RCAN1: variants seen among roughly 807,000 people sequenced by gnomAD.
The protein encoded by RCAN1 is calcipressin-1.
A neutral mutation model predicts 22.9 loss-of-function variants in RCAN1; 11 were observed. The observed-to-expected ratio is 0.48, with a 90% CI of 0.30 to 0.79. The LOEUF (loss-of-function observed/expected upper bound fraction) is 0.79. Ranked by LOEUF, RCAN1 falls within the 30% of genes least tolerant of loss-of-function variation. The probability of loss-of-function intolerance (pLI) is 0.06; values close to 1 mark genes in which losing one functional copy is unlikely to be tolerated. For synonymous variants in RCAN1, 136 were observed against 142.3 expected, an observed-to-expected ratio of 0.96 and a Z score of 0.32; for missense variants, 291 against 337.8, an observed-to-expected ratio of 0.86 and a Z score of 1.09.
chr21:34,532,436 C>T (rs549355861), intron 1 of RCAN1, among the ~76,000 whole-genome samples: 65 of 152,198 alleles, frequency 4.3e-4, no homozygotes, highest in Non-Finnish European at 8.2e-4. Context: ...TCTCCAGCAC[C>T]GTGCTCACTT....
intron 1 of RCAN1, among the ~76,000 whole-genome samples, chr21:34,592,158 C>G (rs542885000): frequency 6.6e-6 from 1 of 152,222 alleles, no homozygotes; most frequent in Non-Finnish European, 1.5e-5. Context: ...GAGAAAACTA[C>G]GCAAGTGCAC....
chr21:34,558,828 G>A (rs573881940), intron 1 of RCAN1, among the ~76,000 whole-genome samples: 2 of 152,104 alleles, frequency 1.3e-5, no homozygotes, highest in Admixed American at 1.3e-4. Context: ...CAAAATCAAC[G>A]GTAAAGGCTC....
At chr21:34,568,124 C>T (rs1254722122) in intron 1 of RCAN1, among the ~76,000 whole-genome samples, 2 of 152,164 alleles carry the variant, frequency 1.3e-5, no homozygotes, top group Non-Finnish European at 2.9e-5. Flanking sequence ...GCCATGGTCC[C>T]TTTAGAAGGA....
chr21:34,544,200 CTG>C (rs1306375272), intron 1 of RCAN1, among the ~76,000 whole-genome samples: 3 of 152,224 alleles, frequency 2.0e-5, no homozygotes, highest in South Asian at 2.1e-4. Context: ...TCCCGGGACT[CTG>C]TGATGGATTC....
intron 3 of RCAN1, chr21:34,521,144 A>C: frequency 7.9e-7 from 1 of 1,261,082 alleles, no homozygotes; most frequent in Non-Finnish European, 9.9e-7. Context: ...CCCTTTCCAA[A>C]GTCCAATCAC....
chr21:34,550,659 C>T (rs1418603293), intron 1 of RCAN1, among the ~76,000 whole-genome samples: 1 of 152,180 alleles, frequency 6.6e-6, no homozygotes, highest in African/African-American at 2.4e-5. Flanking sequence ...TTAAGCCACC[C>T]AGTCTGTAGT....
At chr21:34,561,509 CT>C (rs1986789569) in intron 1 of RCAN1, among the ~76,000 whole-genome samples, 1 of 152,188 alleles carries the variant, frequency 6.6e-6, no homozygotes, top group Non-Finnish European at 1.5e-5. Context: ...TTCTAATGCT[CT>C]CTACCTAAAC....
At chr21:34,566,811 C>A (rs1178216422) in intron 1 of RCAN1, among the ~76,000 whole-genome samples, 6 of 152,148 alleles carry the variant, frequency 3.9e-5, no homozygotes, top group Non-Finnish European at 5.9e-5. Flanking sequence ...GGGGAGCAGG[C>A]GTGTCACATG....
intron 1 of RCAN1, among the ~76,000 whole-genome samples, chr21:34,580,130 T>A (rs1183888945): frequency 6.6e-6 from 1 of 152,212 alleles, no homozygotes; most frequent in South Asian, 2.1e-4. Flanking sequence ...CAACCAAGGA[T>A]TCCCAGTGAG....
chr21:34,558,605 C>T (rs1055115443), intron 1 of RCAN1, among the ~76,000 whole-genome samples: 6 of 150,590 alleles, frequency 4.0e-5, no homozygotes, highest in Admixed American at 3.3e-4. Context: ...TTCAGCTCTA[C>T]AGAAAATCTG....
intron 1 of RCAN1, among the ~76,000 whole-genome samples, chr21:34,564,476 G>T (rs998572473): frequency 6.6e-6 from 1 of 152,238 alleles, no homozygotes; most frequent in Non-Finnish European, 1.5e-5. Context: ...GCCCTGGGCC[G>T]CCCAGAGCCT....
At chr21:34,548,593 T>C (rs901186444) in intron 1 of RCAN1, among the ~76,000 whole-genome samples, 3 of 152,270 alleles carry the variant, frequency 2.0e-5, no homozygotes, top group Non-Finnish European at 4.4e-5. Context: ...ACAGTTTCAC[T>C]GAGGTATACC....
intron 1 of RCAN1, among the ~76,000 whole-genome samples, chr21:34,551,453 T>C (rs1460430921): frequency 6.6e-6 from 1 of 152,198 alleles, no homozygotes; most frequent in African/African-American, 2.4e-5. Context: ...ATTAAATATT[T>C]AACCTACTTT....
At chr21:34,574,794 G>A (rs1987355567) in intron 1 of RCAN1, among the ~76,000 whole-genome samples, 1 of 152,234 alleles carries the variant, frequency 6.6e-6, no homozygotes, top group Non-Finnish European at 1.5e-5. Flanking sequence ...CTCCTCGGGT[G>A]CCTCCCGCGT....
chr21:34,592,099 G>T (rs1033867909), intron 1 of RCAN1, among the ~76,000 whole-genome samples: 2 of 152,200 alleles, frequency 1.3e-5, no homozygotes, highest in Non-Finnish European at 2.9e-5. Context: ...AACTCCCTGT[G>T]CTTGGGCTTA....
intron 1 of RCAN1, among the ~76,000 whole-genome samples, chr21:34,603,826 T>A (rs1451181387): frequency 6.6e-6 from 1 of 152,208 alleles, no homozygotes; most frequent in African/African-American, 2.4e-5. Context: ...AGGAGACCTA[T>A]AATTGATTGT....
chr21:34,580,801 G>C (rs1029314777), intron 1 of RCAN1, among the ~76,000 whole-genome samples: 7 of 152,236 alleles, frequency 4.6e-5, no homozygotes, highest in Non-Finnish European at 1.0e-4. Flanking sequence ...GCACGAAGAA[G>C]GGACCCAAAT....
chr21:34,520,051 C>T (rs1245426334), intron 3 of RCAN1, among the ~76,000 whole-genome samples: 1 of 152,170 alleles, frequency 6.6e-6, no homozygotes, highest in Non-Finnish European at 1.5e-5. Context: ...ATCGAAAATC[C>T]AGAAAGCTCA....
chr21:34,525,200 G>C, intron 1 of RCAN1: 1 of 1,550,640 alleles, frequency 6.4e-7, no homozygotes, highest in Non-Finnish European at 8.7e-7. Context: ...GGAGGCACTG[G>C]TGGATGCCTG....
Sources: gnomAD v4.1 joint callset for allele counts (sites outside exome capture counted in the v4.1 genomes callset) on GRCh38, gnomAD v4.1.1 for gene constraint, MANE v1.5 for transcripts, NCBI Gene and HGNC (gene_info 2026-07-23, HGNC 2026-07-21) for gene names.